The following CDH8 variants were observed in gnomAD, a reference collection of about 807,000 sequenced individuals.
The protein encoded by CDH8 is cadherin-8.
Under a neutral mutation model 68.1 loss-of-function variants are expected in CDH8, and 17 were observed. The observed-to-expected ratio is 0.25, with a 90% CI of 0.17 to 0.37. The LOEUF (loss-of-function observed/expected upper bound fraction) is 0.37, where lower values mean the gene tolerates loss of function less well. Among genes scored for constraint, CDH8 ranks in the 10% least tolerant of loss-of-function variants. The probability of loss-of-function intolerance (pLI) is 1.00; values close to 1 mark genes in which losing one functional copy is unlikely to be tolerated. For missense variants in CDH8, 763 were observed against 999.3 expected (o/e 0.76, Z 3.19); for synonymous variants, 372 against 365.1 (o/e 1.02, Z -0.21).
intron 2 of CDH8, among the ~76,000 whole-genome samples, chr16:61,944,380 T>C (rs959829954): frequency 2.6e-5 from 4 of 152,216 alleles, no homozygotes; most frequent in African/African-American, 7.2e-5. Flanking sequence ...AGAAAAAATA[T>C]ACCTCTAAGG....
intron 7 of CDH8, 61 bp from the exon 8 acceptor site, chr16:61,789,543 C>G: frequency 6.8e-7 from 1 of 1,467,640 alleles, no homozygotes; most frequent in Non-Finnish European, 9.2e-7. Context: ...CATTCCACAG[C>G]AGACCTTTAG....
chr16:61,964,212 T>C (rs1173228823), intron 2 of CDH8, among the ~76,000 whole-genome samples: 1 of 152,182 alleles, frequency 6.6e-6, no homozygotes, highest in Non-Finnish European at 1.5e-5. Flanking sequence ...GAAATAATTG[T>C]GAGTTCTACA....
At chr16:61,918,521 G>A (rs1597064520) in intron 2 of CDH8, 2 of 152,832 alleles carry the variant, frequency 1.3e-5, no homozygotes, top group African/African-American at 4.8e-5. Context: ...AGGGGTCAGG[G>A]AGTTCCCTTT....
At chr16:61,979,927 G>A (rs536381105) in intron 2 of CDH8, among the ~76,000 whole-genome samples, 5 of 152,156 alleles carry the variant, frequency 3.3e-5, no homozygotes, top group Non-Finnish European at 5.9e-5. Context: ...ATGGAGAAGC[G>A]TGCTTTCATC....
chr16:61,801,709 G>C (rs948435032), intron 7 of CDH8, among the ~76,000 whole-genome samples: 13 of 152,138 alleles, frequency 8.5e-5, no homozygotes, highest in African/African-American at 2.9e-4. Flanking sequence ...GGTGACGGAC[G>C]CACCTGGAAA....
chr16:61,834,868 G>A (rs1962534932), intron 4 of CDH8, among the ~76,000 whole-genome samples: 1 of 151,950 alleles, frequency 6.6e-6, no homozygotes, highest in Non-Finnish European at 1.5e-5. Flanking sequence ...ATGTGACCCA[G>A]CAATGAGAAA....
At chr16:61,660,729 T>C (rs1250292882) in intron 10 of CDH8, among the ~76,000 whole-genome samples, 1 of 151,934 alleles carries the variant, frequency 6.6e-6, no homozygotes, top group Admixed American at 6.6e-5. Context: ...AAAAATTTCA[T>C]AGAAACAATG....
chr16:61,668,928 CAAAGAGT>C (rs1036624241), intron 10 of CDH8, among the ~76,000 whole-genome samples: 1 of 151,874 alleles, frequency 6.6e-6, no homozygotes, highest in African/African-American at 2.4e-5. Flanking sequence ...GTAGTTGAGC[CAAAGAGT>C]AAAATTGTTT....
intron 10 of CDH8, among the ~76,000 whole-genome samples, chr16:61,705,095 C>T (rs747190190): frequency 1.3e-5 from 2 of 152,074 alleles, no homozygotes; most frequent in Non-Finnish European, 2.9e-5. Context: ...CAATGAGTAA[C>T]CCAAAAAGAT....
Position 61,655,496 on chromosome 16 carries a change from A to G in CDH8, c.1880T>C (p.Ile627Thr). 1.9e-6 allele frequency: 3 copies of G among 1,614,120 alleles called. No homozygotes were observed. The highest frequency in any genetic ancestry group is 2.5e-6 in the Non-Finnish European group (3 of 1,180,004). Residue 627 changes from isoleucine (I) to threonine (T), a missense_variant, in exon 11 of 12, where the codon ATA (isoleucine) becomes ACA (threonine). Physicochemically the swap from Ile to Thr is moderately conservative, Grantham distance 89. This residue lies in a region of CDH8 where 397 missense variants were observed against 436.2 expected (regional missense o/e 0.91). Transcript: ENST00000577390. ...TAACAGCAAAATGATGCATGCTAAT[A>G]TGGCAATTAAGGCGCCCATACTGAG... is the stretch of plus-strand genomic sequence containing the variant. ...IGLSMGALIA[I>T]LACIILLLVI...
chr16:61,803,608 A>C (rs1475181613), intron 7 of CDH8, among the ~76,000 whole-genome samples: 1 of 152,096 alleles, frequency 6.6e-6, no homozygotes, highest in East Asian at 1.9e-4. Context: ...TTCAAAATAA[A>C]AGGATGGAGG....
intron 2 of CDH8, among the ~76,000 whole-genome samples, chr16:61,962,363 G>A (rs1426564688): frequency 6.6e-6 from 1 of 152,156 alleles, no homozygotes; most frequent in Non-Finnish European, 1.5e-5. Context: ...GAGGGTGTGG[G>A]GGAAGTGGGG....
Position 61,648,145 on chromosome 16 carries a change from T to A in CDH8, c.*5463A>T. The A allele has an allele frequency of 3.7e-6, 1 of 273,572 alleles. No homozygotes were observed. The highest frequency in any genetic ancestry group is 7.7e-5 in the South Asian group (1 of 12,908). The allele number at this position is 273,572 out of a possible 1,614,324, so 16.9% of individuals were successfully genotyped here. A position where few individuals can be genotyped will look rare whatever the true frequency, so the allele number is the denominator to read the frequency against. On this transcript the variant is annotated 3_prime_UTR_variant, in exon 12 of 12. Transcript: ENST00000577390. ...CAGGAGATGACCCCAAATACCAGCA[T>A]GTAATTTCTGTTTCTCTCACATATT...
chr16:61,765,109 C>T (rs984183384), intron 8 of CDH8, among the ~76,000 whole-genome samples: 3 of 151,988 alleles, frequency 2.0e-5, no homozygotes, highest in Non-Finnish European at 2.9e-5. Flanking sequence ...AGTAGAACTA[C>T]GACCCTTCTG....
At chr16:61,677,461 GC>G (rs1963935773) in intron 10 of CDH8, among the ~76,000 whole-genome samples, 1 of 151,638 alleles carries the variant, frequency 6.6e-6, no homozygotes, top group African/African-American at 2.4e-5. Flanking sequence ...TCAGATTTCT[GC>G]CATTCCAGGT....
At chr16:61,685,548 T>G (rs1964090857) in intron 10 of CDH8, among the ~76,000 whole-genome samples, 1 of 151,930 alleles carries the variant, frequency 6.6e-6, no homozygotes, top group Admixed American at 6.6e-5. Context: ...TTGTATAGTT[T>G]CTATAAGAAC....
At position 61,754,949 on chromosome 16, in the gene CDH8, G is replaced by T. The variant is rs1376163622; in HGVS notation, c.1415-27734C>A. 3.9e-5 allele frequency among the ~76,000 whole-genome samples: 6 copies of T among 152,204 alleles called. No homozygotes were observed. The South Asian group carries it at 8.3e-4, about 21-fold the overall frequency. On this transcript the variant is annotated intron_variant, in intron 8 of 11. Transcript: ENST00000577390. ...TTCCTCCCTCCTCTAGCAGGCATCA[G>T]TCTACTGTTGCCAGTTTTATGTCCA...
intron 8 of CDH8, 119 bp downstream of exon 8, chr16:61,789,227 A>T (rs1189070975): frequency 1.2e-6 from 1 of 845,470 alleles, no homozygotes; most frequent in Non-Finnish European, 1.8e-6. Flanking sequence ...CTTGGGAACA[A>T]TCAAATAAGT....
At chr16:61,807,123 C>T (rs2142998167) in intron 7 of CDH8, among the ~76,000 whole-genome samples, 1 of 148,206 alleles carries the variant, frequency 6.7e-6, no homozygotes, top group Middle Eastern at 3.5e-3. Context: ...ACATATACAC[C>T]ATGGAATACT....
Sources: allele counts gnomAD v4.1 joint callset (sites outside exome capture counted in the v4.1 genomes callset), GRCh38; gene constraint gnomAD v4.1.1; regional missense constraint gnomAD v4.1.1; transcripts MANE v1.5; gene names NCBI Gene and HGNC (gene_info 2026-07-23, HGNC 2026-07-21).